GALNT13: variants seen among roughly 807,000 people sequenced by gnomAD.
GALNT13 encodes the protein UDP-GalNAc:polypeptide N-acetylgalactosaminyltransferase 13.
In GALNT13, 28 loss-of-function variants were observed where a neutral mutation model predicts 64.2. That is an observed-to-expected ratio of 0.44 (90% confidence interval 0.32 to 0.60). GALNT13 has a LOEUF of 0.60. GALNT13 is among the 20% of genes least tolerant of loss of function. The probability of loss-of-function intolerance (pLI) is 0.05; values close to 1 mark genes in which losing one functional copy is unlikely to be tolerated. For missense variants in GALNT13, 577 were observed against 669.8 expected (o/e 0.86, Z 1.53); for synonymous variants, 214 against 224.6 (o/e 0.95, Z 0.42).
the GALNT13 span, among the ~76,000 whole-genome samples, chr2:153,468,617 C>T: frequency 6.6e-6 from 1 of 151,990 alleles, no homozygotes; most frequent in African/African-American, 2.4e-5. Context: ...TTAAATAATA[C>T]ATCTGATATT....
intron 4 of GALNT13, among the ~76,000 whole-genome samples, chr2:154,183,705 C>T (rs1686092663): frequency 6.6e-6 from 1 of 151,936 alleles, no homozygotes; most frequent in Admixed American, 6.6e-5. Context: ...GAGTGAGACC[C>T]TGTCTCAAAC....
intron 3 of GALNT13, among the ~76,000 whole-genome samples, chr2:154,137,005 T>C (rs1682993650): frequency 6.6e-6 from 1 of 152,020 alleles, no homozygotes; most frequent in African/African-American, 2.4e-5. Context: ...TGTGAGTACA[T>C]GAGTCTCTTT....
chr2:153,081,830 G>T, the GALNT13 span, among the ~76,000 whole-genome samples: 1 of 152,106 alleles, frequency 6.6e-6, no homozygotes, highest in Non-Finnish European at 1.5e-5. Flanking sequence ...CAACAAACAT[G>T]GGAGTGCAGA....
At chr2:153,958,784 C>T (rs72865083) in intron 3 of GALNT13, among the ~76,000 whole-genome samples, 9,701 of 152,178 alleles carry the variant, frequency 0.064, 409 homozygotes, top group Middle Eastern at 0.13. Context: ...GAGGGTTACA[C>T]AGAAAGGGAG....
the GALNT13 span, among the ~76,000 whole-genome samples, chr2:153,785,648 G>A: frequency 6.6e-6 from 1 of 151,948 alleles, no homozygotes; most frequent in South Asian, 2.1e-4. Context: ...TACTGGGAGT[G>A]TTCAGCCAGT....
chr2:153,068,851 G>A, the GALNT13 span, among the ~76,000 whole-genome samples: 1 of 152,120 alleles, frequency 6.6e-6, no homozygotes, highest in African/African-American at 2.4e-5. Flanking sequence ...TGTTTTGTAG[G>A]TAATGTCCTG....
chr2:153,467,666 A>G, the GALNT13 span, among the ~76,000 whole-genome samples: 1 of 152,072 alleles, frequency 6.6e-6, no homozygotes, highest in East Asian at 1.9e-4. Context: ...ACTTTGAACT[A>G]ACATCCATAA....
the GALNT13 span, among the ~76,000 whole-genome samples, chr2:153,533,723 C>CTTGTTTTTTTTTTTTTTTT: frequency 4.1e-5 from 2 of 48,730 alleles, no homozygotes; most frequent in Non-Finnish European, 7.1e-5. Context: ...TGAGGTTTTT[C>CTTGTTTTTTTTTTTTTTTT]TTTTTTTTTT....
intron 9 of GALNT13, among the ~76,000 whole-genome samples, chr2:154,355,414 T>C (rs950151773): frequency 1.3e-5 from 2 of 152,120 alleles, no homozygotes; most frequent in African/African-American, 4.8e-5. Context: ...AGATATGAGT[T>C]CTTAAATAGT....
At chr2:153,816,596 A>AATGG in the GALNT13 span, among the ~76,000 whole-genome samples, 1 of 151,252 alleles carries the variant, frequency 6.6e-6, no homozygotes, top group Non-Finnish European at 1.5e-5. Flanking sequence ...GAACCAATAC[A>AATGG]ATGGATGGAT....
intron 3 of GALNT13, among the ~76,000 whole-genome samples, chr2:154,133,950 A>G (rs1041437328): frequency 2.0e-5 from 3 of 152,110 alleles, no homozygotes; most frequent in Non-Finnish European, 4.4e-5. Context: ...AGTGATTCAG[A>G]CATCTAGGTT....
the GALNT13 span, among the ~76,000 whole-genome samples, chr2:153,306,649 A>T: frequency 9.8e-4 from 149 of 152,324 alleles, no homozygotes; most frequent in African/African-American, 3.4e-3. Flanking sequence ...TATACCCTAT[A>T]TGCGATTTTT....
chr2:153,510,469 T>C, the GALNT13 span, among the ~76,000 whole-genome samples: 1 of 152,122 alleles, frequency 6.6e-6, no homozygotes, highest in Non-Finnish European at 1.5e-5. Flanking sequence ...CTGAGAAGAC[T>C]GGAAACAAAC....
Position 154,251,309 on chromosome 2 carries a change from C to T in GALNT13, c.857+5327C>T, listed in dbSNP as rs148868381. On this transcript the variant is annotated intron_variant, in intron 7 of 12. Coordinates refer to ENST00000392825, the MANE Select transcript of GALNT13 (RefSeq NM_052917.4). ...GAAAGATTAAAATTTGCACCAATTA[C>T]TCTACATCCTTGTGGAAGCTTAGGG... Among the ~76,000 whole-genome samples the T allele has an allele frequency of 5.0e-3, 757 of 152,120 alleles. 6 individuals carry two copies. The highest frequency in any genetic ancestry group is 0.017 in the African/African-American group (718 of 41,514).
rs202101959 is a variant in GALNT13, at chr2:154,212,833, G to GT, written c.312-29186dup. On this transcript the variant is annotated intron_variant, in intron 4 of 12. Coordinates refer to ENST00000392825, the MANE Select transcript of GALNT13 (RefSeq NM_052917.4). ...AGGTAATATAATCCCTTAATACAAT[G>GT]TTTTTTTTTTTCAGACTTGTGCATT... Among the ~76,000 whole-genome samples, 268 of 144,736 alleles carry GT rather than the reference G, an allele frequency of 1.9e-3. 1 individual carries two copies. The highest frequency in any genetic ancestry group is 9.4e-3 in the East Asian group (47 of 4,978). 95.0% of individuals were successfully genotyped at this position (144,736 alleles called of 152,430 possible).
chr2:153,208,901 T>G, the GALNT13 span, among the ~76,000 whole-genome samples: 1 of 151,930 alleles, frequency 6.6e-6, no homozygotes, highest in Non-Finnish European at 1.5e-5. Flanking sequence ...GAGATTTGTT[T>G]CTGTGATTTC....
the GALNT13 span, among the ~76,000 whole-genome samples, chr2:153,111,472 C>T: frequency 6.6e-6 from 1 of 151,806 alleles, no homozygotes. Flanking sequence ...CTAATTTAAG[C>T]CTAAAAGATA....
the GALNT13 span, among the ~76,000 whole-genome samples, chr2:153,658,840 A>C: frequency 6.6e-6 from 1 of 151,898 alleles, no homozygotes; most frequent in African/African-American, 2.4e-5. Context: ...AAATTTATTC[A>C]ATGTTCAATA....
At position 154,431,995 on chromosome 2, in the gene GALNT13, G is replaced by A. The variant is rs370290238; in HGVS notation, c.1396-6597G>A. 2.7e-4 allele frequency among the ~76,000 whole-genome samples: 41 copies of A among 152,126 alleles called. No homozygotes were observed. The South Asian group carries it at 5.8e-3, about 22-fold the overall frequency. On this transcript the variant is annotated intron_variant, in intron 11 of 12. Coordinates refer to ENST00000392825, the MANE Select transcript of GALNT13 (RefSeq NM_052917.4). Reference sequence around the variant, plus strand: ...TATGTCCTTATAGCAGTGTGAGAACGGACTAAAACATCATCTATGAAAAGA... The same window carrying A: ...TATGTCCTTATAGCAGTGTGAGAACAGACTAAAACATCATCTATGAAAAGA...
Sources: allele counts gnomAD v4.1 joint callset (sites outside exome capture counted in the v4.1 genomes callset), GRCh38; gene constraint gnomAD v4.1.1; transcripts MANE v1.5; gene names NCBI Gene and HGNC (gene_info 2026-07-23, HGNC 2026-07-21).